Variants in OSBP2 observed in about 807,000 individuals in gnomAD.
OSBP2 encodes oxysterol-binding protein 2.
Under a neutral mutation model 96.0 loss-of-function variants are expected in OSBP2, and 66 were observed. The ratio of observed to expected loss-of-function variants is 0.69; its 90% CI spans 0.56 to 0.84. The LOEUF (loss-of-function observed/expected upper bound fraction) is 0.84. Ranked by LOEUF, OSBP2 falls within the 40% of genes least tolerant of loss-of-function variation. OSBP2 has a pLI of 0.00. For missense variants in OSBP2, 1,038 were observed against 1,222.7 expected, an observed-to-expected ratio of 0.85 and a Z score of 2.25; for synonymous variants, 525 against 520.9, an observed-to-expected ratio of 1.01 and a Z score of -0.11.
intron 2 of OSBP2, among the ~76,000 whole-genome samples, chr22:30,816,590 T>G (rs1265348875): frequency 1.3e-5 from 2 of 152,182 alleles, no homozygotes; most frequent in African/African-American, 4.8e-5. Context: ...GGGCAAAACC[T>G]TCCAGGCTCA....
intron 1 of OSBP2, among the ~76,000 whole-genome samples, chr22:30,732,857 G>T (rs1469350916): frequency 6.6e-6 from 1 of 152,190 alleles, no homozygotes; most frequent in South Asian, 2.1e-4. Context: ...CTGCCCCCTA[G>T]TGCAGCTGGG....
At chr22:30,777,096 C>G (rs1294249446) in intron 2 of OSBP2, among the ~76,000 whole-genome samples, 1 of 152,148 alleles carries the variant, frequency 6.6e-6, no homozygotes, top group East Asian at 1.9e-4. Context: ...AAGGGACTTG[C>G]CTTGTCTCAG....
intron 2 of OSBP2, among the ~76,000 whole-genome samples, chr22:30,817,400 A>G (rs946963554): frequency 1.3e-5 from 2 of 152,222 alleles, no homozygotes; most frequent in African/African-American, 4.8e-5. Flanking sequence ...AAAGATCCCC[A>G]AGACCCACAG....
intron 2 of OSBP2, among the ~76,000 whole-genome samples, chr22:30,863,580 C>T (rs2039270141): frequency 6.6e-6 from 1 of 152,136 alleles, no homozygotes; most frequent in South Asian, 2.1e-4. Context: ...ATGGGAGTCC[C>T]AGAGAGCAGT....
intron 2 of OSBP2, chr22:30,822,715 T>C: frequency 6.6e-7 from 1 of 1,523,028 alleles, no homozygotes; most frequent in East Asian, 2.5e-5. Flanking sequence ...GAAGGGTTAG[T>C]GCTTGCCGGG....
intron 2 of OSBP2, among the ~76,000 whole-genome samples, chr22:30,746,523 C>T (rs368310619): frequency 8.0e-6 from 1 of 124,746 alleles, no homozygotes; most frequent in Admixed American, 9.4e-5. Flanking sequence ...GAGTTTCGCT[C>T]TTGTTGCCTA....
chr22:30,812,313 G>A (rs568073045), intron 2 of OSBP2, among the ~76,000 whole-genome samples: 9 of 151,996 alleles, frequency 5.9e-5, no homozygotes, highest in South Asian at 4.2e-4. Context: ...CTACAGGCGC[G>A]CACCACCATG....
At chr22:30,899,980 TG>T (rs2040161163) in intron 12 of OSBP2, among the ~76,000 whole-genome samples, 1 of 152,132 alleles carries the variant, frequency 6.6e-6, no homozygotes, top group South Asian at 2.1e-4. Flanking sequence ...ACACCAAGAC[TG>T]GGCGCAGTGG....
chr22:30,738,434 C>T lies in OSBP2; in HGVS notation c.645-2727C>T, dbSNP rs146633028. 2.1e-4 allele frequency among the ~76,000 whole-genome samples: 32 copies of T among 152,224 alleles called. 4 individuals carry two copies. Among genetic ancestry groups the T allele is most frequent in the Admixed American group, 1.5e-3 (23 of 15,274 alleles). On this transcript the variant is annotated intron_variant, in intron 1 of 13. Coordinates refer to ENST00000332585, the MANE Select transcript of OSBP2 (RefSeq NM_030758.4). Reference sequence around the variant, plus strand: ...TTTCTAAATTAGAGTGACTGTCCTTCGAACAAAAGATACCAGCAGCTAAGA... The same window carrying T: ...TTTCTAAATTAGAGTGACTGTCCTTTGAACAAAAGATACCAGCAGCTAAGA...
intron 2 of OSBP2, among the ~76,000 whole-genome samples, chr22:30,832,980 C>A (rs536074079): frequency 1.3e-5 from 2 of 152,132 alleles, no homozygotes; most frequent in Non-Finnish European, 2.9e-5. Flanking sequence ...GGAAATGTGG[C>A]CATAGATACT....
chr22:30,808,709 C>T (rs992114913), intron 2 of OSBP2, among the ~76,000 whole-genome samples: 1 of 151,956 alleles, frequency 6.6e-6, no homozygotes, highest in African/African-American at 2.4e-5. Context: ...AATCCCAGCA[C>T]TTTGAGAGGC....
intron 2 of OSBP2, chr22:30,822,720 G>T (rs2038305497): frequency 1.3e-6 from 2 of 1,520,332 alleles, no homozygotes; most frequent in Non-Finnish European, 1.8e-6. Context: ...GTTAGTGCTT[G>T]CCGGGCTTCC....
intron 2 of OSBP2, among the ~76,000 whole-genome samples, chr22:30,782,556 G>C (rs1569121438): frequency 6.6e-6 from 1 of 152,188 alleles, no homozygotes; most frequent in South Asian, 2.1e-4. Context: ...GTCACCCAGT[G>C]TAACTGTTTT....
intron 2 of OSBP2, among the ~76,000 whole-genome samples, chr22:30,863,360 G>T (rs2039263279): frequency 1.3e-5 from 2 of 152,076 alleles, no homozygotes; most frequent in Admixed American, 6.6e-5. Flanking sequence ...TCTGGCGAGG[G>T]TGCAGTTTTC....
chr22:30,744,288 T>C (rs1171326703), intron 2 of OSBP2, among the ~76,000 whole-genome samples: 1 of 152,056 alleles, frequency 6.6e-6, no homozygotes, highest in African/African-American at 2.4e-5. Context: ...GGGGCAGCCT[T>C]GAATGAGAGA....
In OSBP2 at chr22:30,906,035, C is replaced by T. The variant is rs12170884; in HGVS notation, c.2574C>T (p.Ala858=). 5 of 1,567,344 alleles carry T rather than the reference C, an allele frequency of 3.2e-6. No individual in the cohort carries two copies. The highest frequency in any genetic ancestry group is 1.4e-5 in the African/African-American group (1 of 73,788). ...TGTCGCGGCGCCGGCGGCTGGAGGC[C>T]TGCGGGCCGGGCAGCAGCTGCAGCT... The part of the protein sequence containing the change: ...QRLSRRRRLE[A]CGPGSSCSSE... Residue 858 remains alanine (A), a synonymous_variant, in exon 13 of 14, where the codon GCC becomes GCT. Transcript: ENST00000332585.
intron 8 of OSBP2, among the ~76,000 whole-genome samples, chr22:30,891,196 T>C (rs1410931240): frequency 6.6e-6 from 1 of 152,048 alleles, no homozygotes; most frequent in Non-Finnish European, 1.5e-5. Flanking sequence ...CTCAGCTTGG[T>C]GAGGACAAGG....
intron 12 of OSBP2, chr22:30,902,140 C>CAAAAAAAAAAAAAAAAA (rs1239083048): frequency 7.3e-5 from 19 of 258,600 alleles, no homozygotes; most frequent in South Asian, 1.8e-4. Context: ...AAAAAAAAAC[C>CAAAAAAAAAAAAAAAAA]AAAAAAAAAA....
At chr22:30,868,863 C>T (rs1026348114) in intron 2 of OSBP2, among the ~76,000 whole-genome samples, 1 of 152,152 alleles carries the variant, frequency 6.6e-6, no homozygotes, top group South Asian at 2.1e-4. Context: ...CCTTGCCTGC[C>T]GTGGGAAGAA....
Sources: allele counts gnomAD v4.1 joint callset (sites outside exome capture counted in the v4.1 genomes callset), GRCh38; gene constraint gnomAD v4.1.1; transcripts MANE v1.5; gene names NCBI Gene and HGNC (gene_info 2026-07-23, HGNC 2026-07-21).